Variants in NECTIN3 observed in about 807,000 individuals in gnomAD.
NECTIN3 encodes nectin-3.
Under a neutral mutation model 49.4 loss-of-function variants are expected in NECTIN3, and 8 were observed. That is an observed-to-expected ratio of 0.16 (90% CI 0.10 to 0.29). NECTIN3 has a LOEUF of 0.29. NECTIN3 is among the 10% of genes least tolerant of loss of function. The pLI, the probability that NECTIN3 is intolerant of heterozygous loss-of-function variation, is 1.00. For missense variants in NECTIN3, 581 were observed against 654.6 expected, an observed-to-expected ratio of 0.89 and a Z score of 1.23; for synonymous variants, 277 against 241.1, an observed-to-expected ratio of 1.15 and a Z score of -1.38.
chr3:111,082,296 G>C (rs115169316), intron 1 of NECTIN3, among the ~76,000 whole-genome samples: 6 of 152,074 alleles, frequency 3.9e-5, no homozygotes, highest in Non-Finnish European at 8.8e-5. Flanking sequence ...CGAGGGGTAG[G>C]AGGTAGGTTG....
At chr3:111,106,338 C>A (rs1294567989) in intron 1 of NECTIN3, among the ~76,000 whole-genome samples, 3 of 152,168 alleles carry the variant, frequency 2.0e-5, no homozygotes, top group Admixed American at 2.0e-4. Flanking sequence ...GCATGTGACC[C>A]AGGTTTCTCC....
chr3:111,072,213 A>G, intron 1 of NECTIN3, 36 bp downstream of exon 1: 1 of 1,521,708 alleles, frequency 6.6e-7, no homozygotes, highest in Non-Finnish European at 8.8e-7. Flanking sequence ...GGGCTGAGGG[A>G]GCCGCCACTG....
chr3:111,162,445 A>T (rs1440099020), intron 7 of NECTIN3, among the ~76,000 whole-genome samples: 2 of 152,106 alleles, frequency 1.3e-5, no homozygotes, highest in African/African-American at 2.4e-5. Context: ...CCCTTTTGCT[A>T]ATGTGAAGAA....
In NECTIN3 at chr3:111,118,663, C is replaced by T; in HGVS notation, c.510C>T (p.Pro170=). 4 of 1,590,270 alleles carry T rather than the reference C, an allele frequency of 2.5e-6. No homozygotes were observed. The highest frequency in any genetic ancestry group is 3.4e-6 in the Non-Finnish European group (4 of 1,167,090). ...SSTTVTVLVE[P]TVSLIKGPDS... is the part of the protein sequence containing the mutation. ...AAAAAAATATTTAAACAGTTGAACC[C>T]ACTGTGAGCCTGATAAAAGGGCCAG... Residue 170 remains proline (P), a synonymous_variant, in exon 3 of 6, where the codon CCC becomes CCT. Coordinates refer to ENST00000485303, the MANE Select transcript of NECTIN3 (RefSeq NM_015480.3).
chr3:111,131,111 GC>G (rs759440424), intron 5 of NECTIN3, among the ~76,000 whole-genome samples: 93 of 151,902 alleles, frequency 6.1e-4, no homozygotes, highest in Non-Finnish European at 7.5e-4. Flanking sequence ...AGAAAAATAA[GC>G]CAATTAATTT....
At chr3:111,130,925 T>C (rs2034363580) in intron 5 of NECTIN3, among the ~76,000 whole-genome samples, 1 of 152,154 alleles carries the variant, frequency 6.6e-6, no homozygotes, top group Non-Finnish European at 1.5e-5. Context: ...AATTTTGATA[T>C]GTCAAATAAG....
downstream of NECTIN3, among the ~76,000 whole-genome samples, chr3:111,141,408 A>T (rs933702127): frequency 6.6e-6 from 1 of 151,974 alleles, no homozygotes; most frequent in African/African-American, 2.4e-5. Context: ...TTAGGTGTAC[A>T]CATATGTTTC....
intron 7 of NECTIN3, among the ~76,000 whole-genome samples, chr3:111,166,690 A>C (rs1001812727): frequency 6.6e-6 from 1 of 152,210 alleles, no homozygotes; most frequent in Non-Finnish European, 1.5e-5. Context: ...ATGGATTCTT[A>C]GATGTGTATA....
intron 1 of NECTIN3, chr3:111,073,291 T>G (rs755646801): frequency 6.6e-6 from 1 of 152,220 alleles, no homozygotes; most frequent in East Asian, 1.9e-4. Context: ...AGGAGAGATG[T>G]GTGCACATTT....
chr3:111,131,915 G>A (rs1453099226), intron 5 of NECTIN3, among the ~76,000 whole-genome samples: 1 of 151,826 alleles, frequency 6.6e-6, no homozygotes, highest in African/African-American at 2.4e-5. Context: ...TAAATATGCT[G>A]ATGCCAGTTT....
intron 7 of NECTIN3, among the ~76,000 whole-genome samples, chr3:111,186,288 T>C (rs2035718974): frequency 6.6e-6 from 1 of 152,138 alleles, no homozygotes; most frequent in Admixed American, 6.5e-5. Context: ...AGAGGCATCA[T>C]GTTAACCCAA....
At chr3:111,149,673 T>C (rs2034958868) in intron 7 of NECTIN3, among the ~76,000 whole-genome samples, 1 of 152,028 alleles carries the variant, frequency 6.6e-6, no homozygotes, top group African/African-American at 2.4e-5. Flanking sequence ...ATGCAGCCTC[T>C]TTTATCAAAT....
chr3:111,184,194 T>G (rs1174433895), intron 7 of NECTIN3, among the ~76,000 whole-genome samples: 1 of 152,194 alleles, frequency 6.6e-6, no homozygotes, highest in Non-Finnish European at 1.5e-5. Context: ...TTTTTGGTCT[T>G]TTTTATAGTT....
chr3:111,155,664 G>A (rs2035081981), intron 7 of NECTIN3, among the ~76,000 whole-genome samples: 1 of 152,112 alleles, frequency 6.6e-6, no homozygotes, highest in South Asian at 2.1e-4. Context: ...TTTGAATTTG[G>A]CCATTTAGTG....
chr3:111,090,277 C>T (rs2032185542), intron 1 of NECTIN3, among the ~76,000 whole-genome samples: 1 of 152,120 alleles, frequency 6.6e-6, no homozygotes, highest in African/African-American at 2.4e-5. Context: ...TTGCTTTCTA[C>T]TTGTCCATAC....
intron 2 of NECTIN3, among the ~76,000 whole-genome samples, 194 bp downstream of exon 2, chr3:111,112,565 C>A (rs1414914838): frequency 6.6e-6 from 1 of 152,002 alleles, no homozygotes. Context: ...TCTATATATA[C>A]CTACTTATCT....
At chr3:111,131,242 TGAG>T (rs2034377597) in intron 5 of NECTIN3, among the ~76,000 whole-genome samples, 2 of 151,970 alleles carry the variant, frequency 1.3e-5, no homozygotes, top group African/African-American at 4.8e-5. Context: ...TTCATTTGGG[TGAG>T]AAGAACTATA....
At chr3:111,161,471 C>T (rs867782794) in intron 7 of NECTIN3, among the ~76,000 whole-genome samples, 19 of 152,246 alleles carry the variant, frequency 1.2e-4, no homozygotes, top group Middle Eastern at 3.4e-3. Context: ...GTCCCCAACC[C>T]CCACGTCACA....
chr3:111,174,790 C>G (rs2035496333), intron 7 of NECTIN3, among the ~76,000 whole-genome samples: 1 of 152,076 alleles, frequency 6.6e-6, no homozygotes, highest in African/African-American at 2.4e-5. Context: ...GCATGTGTTA[C>G]AGTGTGCCCT....
Sources: gnomAD v4.1 joint callset for allele counts (sites outside exome capture counted in the v4.1 genomes callset) on GRCh38, gnomAD v4.1.1 for gene constraint, MANE v1.5 for transcripts, NCBI Gene and HGNC (gene_info 2026-07-23, HGNC 2026-07-21) for gene names.